NRXN3: variants seen among roughly 807,000 people sequenced by gnomAD.
The protein encoded by NRXN3 is neurexin III.
Under a neutral mutation model 137.6 loss-of-function variants are expected in NRXN3, and 32 were observed. The observed-to-expected ratio is 0.23, with a 90% CI of 0.18 to 0.31. The LOEUF (loss-of-function observed/expected upper bound fraction) is 0.31, where lower values mean the gene tolerates loss of function less well. NRXN3 is among the 10% of genes least tolerant of loss of function. The pLI, the probability that NRXN3 is intolerant of heterozygous loss-of-function variation, is 1.00. For missense variants in NRXN3, 1,574 were observed against 2,062.5 expected (o/e 0.76, Z 4.59); for synonymous variants, 798 against 784.5 (o/e 1.02, Z -0.29).
At chr14:78,344,036 G>C (rs2153584287) in intron 4 of NRXN3, among the ~76,000 whole-genome samples, 1 of 152,258 alleles carries the variant, frequency 6.6e-6, no homozygotes, top group South Asian at 2.1e-4. Context: ...GCAGTGGGTG[G>C]CTATTGTGGC....
At chr14:79,730,329 GC>G (rs2098917341) in intron 19 of NRXN3, among the ~76,000 whole-genome samples, 1 of 152,098 alleles carries the variant, frequency 6.6e-6, no homozygotes, top group South Asian at 2.1e-4. Flanking sequence ...CCCTGGGCAA[GC>G]CCCCTCCCAC....
intron 4 of NRXN3, among the ~76,000 whole-genome samples, chr14:78,488,132 A>C (rs2095598674): frequency 6.6e-6 from 1 of 152,158 alleles, no homozygotes; most frequent in Non-Finnish European, 1.5e-5. Context: ...CCATGTGTAC[A>C]TCCCTGGTAT....
At chr14:78,247,730 C>T (rs12886567) in intron 2 of NRXN3, among the ~76,000 whole-genome samples, 33,245 of 152,214 alleles carry the variant, frequency 0.22, 4,119 homozygotes, top group Middle Eastern at 0.34. Flanking sequence ...GGTATCCTCA[C>T]TCCCTCCAGA....
rs144791098 is a variant in NRXN3 at position 78,349,353 on chromosome 14, C to T, written c.757+51493C>T. Among the ~76,000 whole-genome samples, 55 of 152,276 alleles carry T rather than the reference C, an allele frequency of 3.6e-4. No homozygotes were observed. The East Asian group carries it at 0.01, about 29-fold the overall frequency. On this transcript the variant is annotated intron_variant, in intron 4 of 20. Transcript: ENST00000335750. ...CAGGACATTTTGACAGGCAGTTATT[C>T]ATGGGGAGGCCTAACCTGATTTGGG... is the stretch of plus-strand genomic sequence containing the variant.
At chr14:78,620,463 C>T (rs946551957) in intron 4 of NRXN3, among the ~76,000 whole-genome samples, 2 of 152,130 alleles carry the variant, frequency 1.3e-5, no homozygotes, top group East Asian at 3.9e-4. Flanking sequence ...CAAATGAATG[C>T]CTTTTTATCA....
chr14:79,168,269 G>A (rs1182932570), intron 15 of NRXN3, among the ~76,000 whole-genome samples: 2 of 151,960 alleles, frequency 1.3e-5, no homozygotes, highest in African/African-American at 4.8e-5. Flanking sequence ...CTACAAAATG[G>A]CTTTCTTGCC....
chr14:78,803,508 C>T (rs1430683449), intron 8 of NRXN3, 112 bp from the exon 9 acceptor site: 2 of 929,062 alleles, frequency 2.2e-6, no homozygotes, highest in African/African-American at 1.6e-5. Flanking sequence ...AAACACAAGT[C>T]ACTAGGCTAC....
At chr14:79,860,920 C>T (rs554045936) in intron 20 of NRXN3, 19 of 646,468 alleles carry the variant, frequency 2.9e-5, no homozygotes, top group Middle Eastern at 4.2e-4. Flanking sequence ...TAGACTCCAT[C>T]CAGAAAAGAT....
At chr14:78,528,556 T>C (rs1205031432) in intron 4 of NRXN3, among the ~76,000 whole-genome samples, 1 of 152,188 alleles carries the variant, frequency 6.6e-6, no homozygotes, top group Non-Finnish European at 1.5e-5. Flanking sequence ...GAGCCAAGCA[T>C]GTATAATTTC....
At chr14:78,201,276 T>C (rs1302508599) in intron 1 of NRXN3, among the ~76,000 whole-genome samples, 1 of 152,228 alleles carries the variant, frequency 6.6e-6, no homozygotes, top group East Asian at 1.9e-4. Context: ...GCTCCCTGAC[T>C]TTGTACAGCC....
At chr14:78,533,206 C>T (rs1418289901) in intron 4 of NRXN3, among the ~76,000 whole-genome samples, 1 of 150,838 alleles carries the variant, frequency 6.6e-6, no homozygotes, top group African/African-American at 2.4e-5. Flanking sequence ...GATTCTCCTG[C>T]CTCAGCCTCC....
chr14:78,987,679 G>A (rs536067351), intron 14 of NRXN3, among the ~76,000 whole-genome samples: 7 of 151,636 alleles, frequency 4.6e-5, no homozygotes, highest in East Asian at 3.9e-4. Flanking sequence ...TTCTGAGTTA[G>A]CATTCTACAT....
intron 17 of NRXN3, among the ~76,000 whole-genome samples, chr14:79,672,145 C>T (rs192909739): frequency 9.2e-5 from 14 of 152,130 alleles, no homozygotes; most frequent in Admixed American, 9.2e-4. Context: ...AATTTTGCTG[C>T]AACCCTCTGT....
chr14:79,395,583 C>A (rs1242195255), intron 15 of NRXN3, among the ~76,000 whole-genome samples: 1 of 151,266 alleles, frequency 6.6e-6, no homozygotes, highest in African/African-American at 2.4e-5. Context: ...CCGAGATGGG[C>A]AGATCATGAG....
rs181111856 is a variant in NRXN3 at position 78,954,031 on chromosome 14, T to A, written c.2276-3211T>A. Among the ~76,000 whole-genome samples the A allele has an allele frequency of 2.1e-4, 32 of 152,330 alleles. No individual in the cohort carries two copies. In the East Asian group the frequency reaches 6.2e-3, roughly 29 times the overall value. ...CTACTTCACTGGGTTTTTGCTTGAA[T>A]AGGCCAGAAAAAGTCATCCCTAGAC... On this transcript the variant is annotated intron_variant, in intron 10 of 20. Transcript: ENST00000335750.
intron 10 of NRXN3, among the ~76,000 whole-genome samples, chr14:78,916,174 C>G (rs892371759): frequency 1.3e-5 from 2 of 151,996 alleles, no homozygotes; most frequent in South Asian, 4.2e-4. Context: ...CAAAAAGGGG[C>G]ACTATTAATA....
At chr14:78,994,716 T>A (rs545885722) in intron 15 of NRXN3, among the ~76,000 whole-genome samples, 1 of 152,326 alleles carries the variant, frequency 6.6e-6, no homozygotes. Context: ...ATCTGTGAAG[T>A]TGAATTGTTC....
chr14:79,462,832 T>TATGTATATGTATATGTGCATACACAATGA (rs1262725450), intron 15 of NRXN3, among the ~76,000 whole-genome samples: 2 of 105,698 alleles, frequency 1.9e-5, no homozygotes, highest in East Asian at 1.9e-4. Context: ...TATATATGCT[T>TATGTATATGTATATGTGCATACACAATGA]ATGTATATGT....
chr14:78,845,905 GGTGTGTGTGT>G (rs3034390), intron 10 of NRXN3, among the ~76,000 whole-genome samples: 2 of 146,342 alleles, frequency 1.4e-5, no homozygotes, highest in Admixed American at 6.9e-5. Context: ...AGTATGTTGG[GGTGTGTGTGT>G]GTGTGTGTGT....
Sources: allele counts gnomAD v4.1 joint callset (sites outside exome capture counted in the v4.1 genomes callset), GRCh38; gene constraint gnomAD v4.1.1; transcripts MANE v1.5; gene names NCBI Gene and HGNC (gene_info 2026-07-23, HGNC 2026-07-21).